DLX2: variants seen among roughly 807,000 people sequenced by gnomAD.
DLX2 encodes the protein homeobox protein DLX-2.
Under a neutral mutation model 27.4 loss-of-function variants are expected in DLX2, and 8 were observed. The observed-to-expected ratio is 0.29, with a 90% CI of 0.17 to 0.53. The LOEUF is 0.53. Among genes scored for constraint, DLX2 ranks in the 20% least tolerant of loss-of-function variants. The pLI, the probability that DLX2 is intolerant of heterozygous loss-of-function variation, is 0.96. For synonymous variants in DLX2, 210 were observed against 200.8 expected (o/e 1.05, Z -0.39); for missense variants, 421 against 450.9 (o/e 0.93, Z 0.60).
chr2:172,100,855 G>A lies in DLX2; in HGVS notation c.675C>T (p.Ser225=). The A allele has an allele frequency of 1.9e-6, 3 of 1,612,636 alleles. No homozygotes were observed. Among genetic ancestry groups the A allele is most frequent in the Non-Finnish European group, 1.7e-6 (2 of 1,179,794 alleles). The change falls in exon 3 of 3, where the codon AGC becomes AGT. Residue 225 remains serine, a synonymous_variant. Transcript: ENST00000234198. The surrounding 1 kb of genome is among the most constrained non-coding windows in gnomAD (Gnocchi z 4.5). ...GCGGCGAAGCACAAGGTGGAGAAGCGCTGGCCCCAGGGTGCTGCTCCGAGG... is the reference window on the plus strand; with the variant it reads ...GCGGCGAAGCACAAGGTGGAGAAGCACTGGCCCCAGGGTGCTGCTCCGAGG... ...EIPSEQHPGA[S]ASPPCASPPV... is the part of the protein sequence containing the mutation.
intron 1 of DLX2, 147 bp from the exon 2 acceptor site, chr2:172,101,793 C>A: frequency 2.1e-6 from 2 of 963,228 alleles, no homozygotes; most frequent in South Asian, 1.7e-5. Context: ...AACTTCGCAG[C>A]GTGCGATCGG....
chr2:172,102,739 T>A lies in DLX2; in HGVS notation c.-201A>T. ...CGCTGCTCGGGACAGCTGCCTCTGG[T>A]CGCATCCTCTTTCGGCCTCTGGGCC... is the stretch of plus-strand genomic sequence containing the variant. On this transcript the variant is annotated 5_prime_UTR_variant, in exon 1 of 3. Coordinates refer to ENST00000234198, the MANE Select transcript of DLX2 (RefSeq NM_004405.4). 2.1e-6 allele frequency: 1 copy of A among 483,316 alleles called. No homozygotes were observed. Among genetic ancestry groups the A allele is most frequent in the Non-Finnish European group, 3.5e-6 (1 of 281,866 alleles). The allele number at this position is 483,316 out of a possible 1,614,324, so 29.9% of individuals were successfully genotyped here.
In DLX2 at chr2:172,102,744, T is replaced by C. The variant is rs1691189110; in HGVS notation, c.-206A>G. ...CTCGGGACAGCTGCCTCTGGTCGCATCCTCTTTCGGCCTCTGGGCCCGCTC... is the reference window on the plus strand; with the variant it reads ...CTCGGGACAGCTGCCTCTGGTCGCACCCTCTTTCGGCCTCTGGGCCCGCTC... On this transcript the variant is annotated 5_prime_UTR_variant, in exon 1 of 3. The change abolishes an upstream ATG in the 5' untranslated region. Coordinates refer to ENST00000234198, the MANE Select transcript of DLX2 (RefSeq NM_004405.4). 2.3e-6 allele frequency: 1 copy of C among 429,164 alleles called. No homozygotes were observed. Among genetic ancestry groups the C allele is most frequent in the Non-Finnish European group, 4.0e-6 (1 of 248,294 alleles). 26.6% of individuals were successfully genotyped at this position (429,164 alleles called of 1,614,324 possible).
In DLX2 at chr2:172,101,606, C is replaced by T; in HGVS notation, c.441G>A (p.Gly147=). The T allele has an allele frequency of 6.2e-7, 1 of 1,614,234 alleles. No individual in the cohort carries two copies. Among genetic ancestry groups the T allele is most frequent in the South Asian group, 1.1e-5 (1 of 91,088 alleles). The change falls in exon 2 of 3, where the codon GGG becomes GGA. Residue 147 remains glycine (G), a synonymous_variant. Coordinates refer to ENST00000234198, the MANE Select transcript of DLX2 (RefSeq NM_004405.4). The stretch of plus-strand genomic sequence containing the variant: ...GGGGTTTCCGGACTTTCTTTGGCTT[C>T]CCGTTCACTATCCGAATTTCAGGCT... ...DLEPEIRIVN[G]KPKKVRKPRT... is the part of the protein sequence containing the mutation.
In DLX2 at chr2:172,102,437, G is replaced by A. The variant is rs1368343663; in HGVS notation, c.102C>T (p.Gly34=). The A allele has an allele frequency of 6.5e-7, 1 of 1,548,768 alleles. No homozygotes were observed. Among genetic ancestry groups the A allele is most frequent in the Middle Eastern group, 1.8e-4 (1 of 5,422 alleles). The change falls in exon 1 of 3, where the codon GGC becomes GGT. Residue 34 remains glycine, a synonymous_variant. Transcript: ENST00000234198. ...TGCTGCTGTTGCCACCCGGGCCGGC[G>A]CCGCCGCCGCTCGGGGGCTGCTGGT... is the stretch of plus-strand genomic sequence containing the variant. ...HQHQQPPSGG[G]AGPGGNSSSS... is the part of the protein sequence containing the mutation.
At chr2:172,101,010 G>C (rs1187081772) in intron 2 of DLX2, 66 bp from the exon 3 acceptor site, 3 of 1,535,832 alleles carry the variant, frequency 2.0e-6, no homozygotes, top group African/African-American at 1.4e-5. Context: ...GGTTCGAAGA[G>C]GAGAAAAAAG....
Position 172,100,813 on chromosome 2 carries a change from G to C in DLX2, c.717C>G (p.Ala239=). 6.2e-7 allele frequency: 1 copy of C among 1,608,530 alleles called. No individual in the cohort carries two copies. ...PCASPPVSAP[A]SWDFGVPQRM... The stretch of plus-strand genomic sequence containing the variant: ...GCTGCGGCACACCAAAGTCCCAGGA[G>C]GCCGGCGCTGAGACTGGCGGCGAAG... The change falls in exon 3 of 3, where the codon GCC becomes GCG. Residue 239 remains alanine (A), a synonymous_variant. Coordinates refer to ENST00000234198, the MANE Select transcript of DLX2 (RefSeq NM_004405.4). The surrounding 1 kb of genome is among the most constrained non-coding windows in gnomAD (Gnocchi z 4.5).
rs774250291 is a variant in DLX2, at chr2:172,102,161, C to G, written c.378G>C (p.Ser126=). 1.9e-6 allele frequency: 3 copies of G among 1,613,664 alleles called. No homozygotes were observed. The highest frequency in any genetic ancestry group is 2.5e-6 in the Non-Finnish European group (3 of 1,179,786). ...TACCAGGCTCGTTGTTGGCTGGGGA[C>G]GAACTGGTTCCATAGGGAGCGTAGG... ...YTSYAPYGTS[S]SPANNEPEKE... is the part of the protein sequence containing the mutation. Residue 126 remains serine (S), a synonymous_variant, in exon 1 of 3, where the codon TCG becomes TCC. Coordinates refer to ENST00000234198, the MANE Select transcript of DLX2 (RefSeq NM_004405.4).
At position 172,102,642 on chromosome 2, in the gene DLX2, G is replaced by C. The variant is rs190309512; in HGVS notation, c.-104C>G. 1 of 1,192,562 alleles carries C rather than the reference G, an allele frequency of 8.4e-7. No individual in the cohort carries two copies. Among genetic ancestry groups the C allele is most frequent in the Non-Finnish European group, 1.1e-6 (1 of 870,464 alleles). The allele number at this position is 1,192,562 out of a possible 1,614,324, so 73.9% of individuals were successfully genotyped here. A position where few individuals can be genotyped will look rare whatever the true frequency, so the allele number is the denominator to read the frequency against. ...CTCCAGCAGCCAATGTAATTACGGG[G>C]GTGGTGGTGGGGAAACAAGAAAGGA... On this transcript the variant is annotated 5_prime_UTR_variant, in exon 1 of 3. Coordinates refer to ENST00000234198, the MANE Select transcript of DLX2 (RefSeq NM_004405.4).
chr2:172,102,650 T>A lies in DLX2; in HGVS notation c.-112A>T. 8.7e-7 allele frequency: 1 copy of A among 1,148,610 alleles called. No individual in the cohort carries two copies. The highest frequency in any genetic ancestry group is 1.2e-6 in the Non-Finnish European group (1 of 832,402). 71.2% of individuals were successfully genotyped at this position (1,148,610 alleles called of 1,614,324 possible). A position where few individuals can be genotyped will look rare whatever the true frequency, so the allele number is the denominator to read the frequency against. ...GCCAATGTAATTACGGGGGTGGTGG[T>A]GGGGAAACAAGAAAGGAGGCAACCG... On this transcript the variant is annotated 5_prime_UTR_variant, in exon 1 of 3. Coordinates refer to ENST00000234198, the MANE Select transcript of DLX2 (RefSeq NM_004405.4).
rs1023619014 is a variant in DLX2, at chr2:172,102,861, G to A, written c.-323C>T. On this transcript the variant is annotated 5_prime_UTR_variant, in exon 1 of 3. Coordinates refer to ENST00000234198, the MANE Select transcript of DLX2 (RefSeq NM_004405.4). ...GGGCCGGGTCGGGGCTCTGGGAGGCGGGAGCAGGTGAGCGGCCCCGAGCGG... is the reference window on the plus strand; with the variant it reads ...GGGCCGGGTCGGGGCTCTGGGAGGCAGGAGCAGGTGAGCGGCCCCGAGCGG... 56 of 336,198 alleles carry A rather than the reference G, an allele frequency of 1.7e-4. No individual in the cohort carries two copies. The highest frequency in any genetic ancestry group is 1.1e-3 in the African/African-American group (50 of 46,272). The allele number at this position is 336,198 out of a possible 1,614,324, so 20.8% of individuals were successfully genotyped here. A position where few individuals can be genotyped will look rare whatever the true frequency, so the allele number is the denominator to read the frequency against.
rs1192770119 is a variant in DLX2, at chr2:172,100,123, C to T, written c.*420G>A. 1 of 160,496 alleles carries T rather than the reference C, an allele frequency of 6.2e-6. No individual in the cohort carries two copies. The highest frequency in any genetic ancestry group is 1.4e-5 in the Non-Finnish European group (1 of 73,860). 9.9% of individuals were successfully genotyped at this position (160,496 alleles called of 1,614,324 possible). A position where few individuals can be genotyped will look rare whatever the true frequency, so the allele number is the denominator to read the frequency against. ...AATAACTGCAGCGTCCGAGCTGAGC[C>T]CAGGGGAGCGGGCGAGGAGAAAGAA... is the stretch of plus-strand genomic sequence containing the variant. On this transcript the variant is annotated 3_prime_UTR_variant, in exon 3 of 3. Coordinates refer to ENST00000234198, the MANE Select transcript of DLX2 (RefSeq NM_004405.4). This position sits in a 1 kb window ranked among gnomAD's most constrained non-coding sequence, Gnocchi z 4.5.
intron 1 of DLX2, 89 bp downstream of exon 1, chr2:172,102,050 T>C: frequency 6.5e-7 from 1 of 1,529,156 alleles, no homozygotes; most frequent in Non-Finnish European, 8.8e-7. Context: ...AATCCAGAGC[T>C]TTCGAAGGCC....
Position 172,102,136 on chromosome 2 carries a change from T to C in DLX2, c.400+3A>G. ...GCACTCTTGACTTCAGCGTTATGCA[T>C]ACCAGGCTCGTTGTTGGCTGGGGAC... On this transcript the variant is annotated splice_donor_region_variant and intron_variant, in intron 1 of 2. Coordinates refer to ENST00000234198, the MANE Select transcript of DLX2 (RefSeq NM_004405.4). 1 of 1,612,934 alleles carries C rather than the reference T, an allele frequency of 6.2e-7. No homozygotes were observed. Among genetic ancestry groups the C allele is most frequent in the Non-Finnish European group, 8.5e-7 (1 of 1,179,342 alleles).
Position 172,102,286 on chromosome 2 carries a change from C to A in DLX2, c.253G>T (p.Ala85Ser), listed in dbSNP as rs552134336. 6.2e-7 allele frequency: 1 copy of A among 1,612,580 alleles called. No homozygotes were observed. The highest frequency in any genetic ancestry group is 2.2e-5 in the East Asian group (1 of 44,794). Residue 85 changes from alanine (A) to serine (S), a missense_variant, in exon 1 of 3, where the codon GCG becomes TCG. Physicochemically the swap from Ala to Ser is moderately conservative, Grantham distance 99. Coordinates refer to ENST00000234198, the MANE Select transcript of DLX2 (RefSeq NM_004405.4). ...GGGGGGGSPY[A>S]HMGSYQYQAS... is the part of the protein sequence containing the mutation. ...TGGTACTGGTAGGAACCCATGTGCG[C>A]GTAGGGCGAGCCCCCGCCGCCGCCG...
At position 172,102,586 on chromosome 2, in the gene DLX2, G is replaced by T. The variant is rs1186270378; in HGVS notation, c.-48C>A. On this transcript the variant is annotated 5_prime_UTR_variant, in exon 1 of 3. Transcript: ENST00000234198. Reference sequence around the variant, plus strand: ...CAGAGGTGGCGGGCGTGCGGGGGAAGCCAGGCGCCTCCTCTGTCTCTCCCG... The same window carrying T: ...CAGAGGTGGCGGGCGTGCGGGGGAATCCAGGCGCCTCCTCTGTCTCTCCCG... 2 of 1,460,856 alleles carry T rather than the reference G, an allele frequency of 1.4e-6. No individual in the cohort carries two copies. The highest frequency in any genetic ancestry group is 2.5e-4 in the Middle Eastern group (1 of 3,972). The allele number at this position is 1,460,856 out of a possible 1,614,324, so 90.5% of individuals were successfully genotyped here. A position where few individuals can be genotyped will look rare whatever the true frequency, so the allele number is the denominator to read the frequency against.
intron 1 of DLX2, 29 bp downstream of exon 1, chr2:172,102,110 G>A (rs1691168670): frequency 6.3e-7 from 1 of 1,599,750 alleles, no homozygotes; most frequent in Non-Finnish European, 8.5e-7. Flanking sequence ...AGACCGACTC[G>A]GCACTCTTGA....
intron 2 of DLX2, 190 bp from the exon 3 acceptor site, chr2:172,101,134 T>C (rs1691149345): frequency 1.5e-6 from 1 of 660,334 alleles, no homozygotes. Flanking sequence ...GGGGAGGTAA[T>C]TGCCAAAAGG....
At position 172,102,575 on chromosome 2, in the gene DLX2, G is replaced by T. The variant is rs1193401632; in HGVS notation, c.-37C>A. ...ACGGGAAAGAGCAGAGGTGGCGGGC[G>T]TGCGGGGGAAGCCAGGCGCCTCCTC... On this transcript the variant is annotated 5_prime_UTR_variant, in exon 1 of 3. Coordinates refer to ENST00000234198, the MANE Select transcript of DLX2 (RefSeq NM_004405.4). The T allele has an allele frequency of 2.2e-5, 33 of 1,471,500 alleles. No homozygotes were observed. Among genetic ancestry groups the T allele is most frequent in the Non-Finnish European group, 2.9e-5 (32 of 1,111,582 alleles). 91.2% of individuals were successfully genotyped at this position (1,471,500 alleles called of 1,614,324 possible).
Sources: gnomAD v4.1 joint callset for allele counts on GRCh38, gnomAD v4.1.1 for gene constraint, Gnocchi (gnomAD v3.1) non-coding constraint, MANE v1.5 for transcripts, NCBI Gene and HGNC (gene_info 2026-07-23, HGNC 2026-07-21) for gene names.